RUSC2: variants seen among roughly 807,000 people sequenced by gnomAD.
The protein encoded by RUSC2 is AP-4 complex accessory subunit RUSC2.
In RUSC2, 34 loss-of-function variants were observed where a neutral mutation model predicts 122.2. That is an observed-to-expected ratio of 0.28 (90% CI 0.21 to 0.37). The LOEUF (loss-of-function observed/expected upper bound fraction) is 0.37. Ranked by LOEUF, RUSC2 falls within the 10% of genes least tolerant of loss-of-function variation. RUSC2 has a pLI of 1.00. For missense variants in RUSC2, 1,747 were observed against 1,952.4 expected, an observed-to-expected ratio of 0.89 and a Z score of 1.98; for synonymous variants, 784 against 790.0, an observed-to-expected ratio of 0.99 and a Z score of 0.13.
At chr9:35,521,619 C>CT (rs913123243) in intron 1 of RUSC2, among the ~76,000 whole-genome samples, 50 of 152,212 alleles carry the variant, frequency 3.3e-4, no homozygotes, top group African/African-American at 1.2e-3. Context: ...TTGTCTTTGA[C>CT]TTTTGGGGGT....
At chr9:35,515,347 A>G (rs556706187) in intron 1 of RUSC2, among the ~76,000 whole-genome samples, 2 of 152,100 alleles carry the variant, frequency 1.3e-5, no homozygotes, top group South Asian at 4.2e-4. Flanking sequence ...TGTGATTTTT[A>G]GTACCTTGTC....
At chr9:35,524,931 A>G (rs1821294516) in intron 1 of RUSC2, among the ~76,000 whole-genome samples, 1 of 151,770 alleles carries the variant, frequency 6.6e-6, no homozygotes, top group African/African-American at 2.4e-5. Context: ...AGATCGCACC[A>G]CTGCACTCCA....
chr9:35,494,987 A>G (rs1398922963), intron 1 of RUSC2, among the ~76,000 whole-genome samples: 24 of 115,602 alleles, frequency 2.1e-4, no homozygotes, highest in East Asian at 2.2e-4. Flanking sequence ...TATATAATAT[A>G]TATTTTATAT....
intron 1 of RUSC2, among the ~76,000 whole-genome samples, chr9:35,528,510 C>CT (rs912951066): frequency 5.9e-4 from 86 of 145,436 alleles, no homozygotes; most frequent in Non-Finnish European, 8.0e-4. Flanking sequence ...GATTTGATAC[C>CT]TTTTTTTTTT....
chr9:35,505,950 T>C (rs553067475), intron 1 of RUSC2, among the ~76,000 whole-genome samples: 17 of 152,336 alleles, frequency 1.1e-4, no homozygotes, highest in African/African-American at 3.8e-4. Context: ...ATGTTCATTC[T>C]CAACACTTCT....
rs1158174702 is a variant in RUSC2, at chr9:35,548,394, C to T, written c.1873C>T (p.Pro625Ser). ...PPWSTQVCQG[P>S]HSSEMPPAGL... is the part of the protein sequence containing the mutation. Reference sequence around the variant, plus strand: ...CTGGTCCACCCAGGTCTGTCAGGGACCCCACTCCAGTGAGATGCCTCCTGC... The same window carrying T: ...CTGGTCCACCCAGGTCTGTCAGGGATCCCACTCCAGTGAGATGCCTCCTGC... Residue 625 changes from proline to serine, a missense_variant, in exon 2 of 12, where the codon CCC becomes TCC. Transcript: ENST00000361226. This position sits in a 1 kb window ranked among gnomAD's most constrained non-coding sequence, Gnocchi z 4.5. 3 of 1,614,032 alleles carry T rather than the reference C, an allele frequency of 1.9e-6. No individual in the cohort carries two copies. The highest frequency in any genetic ancestry group is 1.7e-5 in the Admixed American group (1 of 60,034).
intron 2 of RUSC2, among the ~76,000 whole-genome samples, chr9:35,550,436 GC>G (rs1821867147): frequency 6.6e-6 from 1 of 151,634 alleles, no homozygotes; most frequent in South Asian, 2.1e-4. Context: ...GACCAGCCTG[GC>G]CAACATGGTG....
rs1822010602 is a variant in RUSC2, at chr9:35,556,052, A to G, written c.2757A>G (p.Gln919=). The G allele has an allele frequency of 1.9e-6, 3 of 1,614,218 alleles. No individual in the cohort carries two copies. The highest frequency in any genetic ancestry group is 8.5e-7 in the Non-Finnish European group (1 of 1,180,050). ...CAGGGAGCCTAGACCGAAGATCACA[A>G]GAAGCTCGGCTGGCCCGAAGAAACC... is the stretch of plus-strand genomic sequence containing the variant. ...GLSGSLDRRS[Q]EARLARRNPI... Residue 919 remains glutamine (Q), a synonymous_variant, in exon 4 of 12, where the codon CAA becomes CAG. Coordinates refer to ENST00000361226, the MANE Select transcript of RUSC2 (RefSeq NM_014806.5).
intron 1 of RUSC2, among the ~76,000 whole-genome samples, chr9:35,494,664 A>AG (rs1316268252): frequency 6.6e-6 from 1 of 151,784 alleles, no homozygotes; most frequent in Non-Finnish European, 1.5e-5. Context: ...GAGTTGTAAG[A>AG]GTTTTTTAAT....
chr9:35,513,661 C>A (rs1400121414), intron 1 of RUSC2, among the ~76,000 whole-genome samples: 1 of 151,862 alleles, frequency 6.6e-6, no homozygotes, highest in Non-Finnish European at 1.5e-5. Flanking sequence ...TACTTCATTG[C>A]ATGGATTGCA....
intron 1 of RUSC2, among the ~76,000 whole-genome samples, chr9:35,517,035 A>C (rs573994460): frequency 6.6e-5 from 10 of 152,246 alleles, no homozygotes; most frequent in Non-Finnish European, 1.3e-4. Flanking sequence ...TACAATTATA[A>C]ATTGTAAATT....
intron 2 of RUSC2, among the ~76,000 whole-genome samples, chr9:35,553,288 T>A (rs988845341): frequency 6.6e-6 from 1 of 152,206 alleles, no homozygotes; most frequent in Non-Finnish European, 1.5e-5. Context: ...AAGAAGCTTC[T>A]GGTTGTAGTG....
At chr9:35,523,082 C>T (rs1406178127) in intron 1 of RUSC2, among the ~76,000 whole-genome samples, 1 of 152,194 alleles carries the variant, frequency 6.6e-6, no homozygotes, top group Non-Finnish European at 1.5e-5. Flanking sequence ...CAAAACTACT[C>T]ATTGTCTTGA....
chr9:35,502,969 T>C (rs7856759), intron 1 of RUSC2, among the ~76,000 whole-genome samples: 5,181 of 152,186 alleles, frequency 0.034, 313 homozygotes, highest in African/African-American at 0.12. Flanking sequence ...CAAGCGATTC[T>C]CCTGCCTTAG....
chr9:35,497,884 G>A (rs1449940700), intron 1 of RUSC2, among the ~76,000 whole-genome samples: 5 of 152,254 alleles, frequency 3.3e-5, no homozygotes, highest in African/African-American at 1.2e-4. Flanking sequence ...ACACTTAGAC[G>A]GAACTTTGTT....
At position 35,558,538 on chromosome 9, in the gene RUSC2, C is replaced by T. The variant is rs200898612; in HGVS notation, c.3312C>T (p.Arg1104=). 1 of 1,614,148 alleles carries T rather than the reference C, an allele frequency of 6.2e-7. No homozygotes were observed. Among genetic ancestry groups the T allele is most frequent in the Admixed American group, 1.7e-5 (1 of 60,032 alleles). ...CAGAGCTCACCAGTCATACCATGCG[C>T]TTCAACGCCTTCATCCTCGGCCTGC... ...QFPELTSHTM[R]FNAFILGLLN... is the part of the protein sequence containing the mutation. The change falls in exon 8 of 12, where the codon CGC becomes CGT. Residue 1104 remains arginine (R), a synonymous_variant. Transcript: ENST00000361226. This position sits in a 1 kb window ranked among gnomAD's most constrained non-coding sequence, Gnocchi z 4.3.
rs1822071339 is a variant in RUSC2, at chr9:35,558,497, A to G, written c.3271A>G (p.Lys1091Glu). The G allele has an allele frequency of 5.6e-6, 9 of 1,614,052 alleles. No individual in the cohort carries two copies. In the East Asian group the frequency reaches 1.8e-4, roughly 32 times the overall value. ...CAAGGTCCTGCATGGCCTCTACAACAAAGTCAGCCAATTCCCAGAGCTCAC... is the reference window on the plus strand; with the variant it reads ...CAAGGTCCTGCATGGCCTCTACAACGAAGTCAGCCAATTCCCAGAGCTCAC... ...STKVLHGLYN[K>E]VSQFPELTSH... is the part of the protein sequence containing the mutation. The change falls in exon 8 of 12, where the codon AAA (lysine) becomes GAA (glutamate). Residue 1091 changes from lysine (K) to glutamate (E), a missense_variant. Physicochemically the swap from Lys to Glu is moderately conservative, Grantham distance 56 (BLOSUM62 1). Coordinates refer to ENST00000361226, the MANE Select transcript of RUSC2 (RefSeq NM_014806.5). This position sits in a 1 kb window ranked among gnomAD's most constrained non-coding sequence, Gnocchi z 4.3.
At chr9:35,509,882 A>G (rs1820982462) in intron 1 of RUSC2, among the ~76,000 whole-genome samples, 1 of 152,200 alleles carries the variant, frequency 6.6e-6, no homozygotes, top group South Asian at 2.1e-4. Flanking sequence ...TTAAAATGAA[A>G]CAGAGGCTGA....
At chr9:35,528,967 CAAAA>C (rs1003511680) in intron 1 of RUSC2, among the ~76,000 whole-genome samples, 9 of 151,956 alleles carry the variant, frequency 5.9e-5, no homozygotes, top group African/African-American at 2.2e-4. Context: ...AAAAAGAAAA[CAAAA>C]AATAAATAAA....
Sources: allele counts gnomAD v4.1 joint callset (sites outside exome capture counted in the v4.1 genomes callset), GRCh38; gene constraint gnomAD v4.1.1; non-coding constraint Gnocchi (gnomAD v3.1); transcripts MANE v1.5; gene names NCBI Gene and HGNC (gene_info 2026-07-23, HGNC 2026-07-21).